Variants in ERBB4 observed in about 807,000 individuals in gnomAD.
ERBB4 encodes the protein erb-b2 receptor tyrosine kinase 4.
A neutral mutation model predicts 158.0 loss-of-function variants in ERBB4; 42 were observed. The observed-to-expected ratio is 0.27, with a 90% CI of 0.21 to 0.34. The LOEUF is 0.34. ERBB4 is among the 10% of genes least tolerant of loss of function. ERBB4 has a pLI of 1.00. For synonymous variants in ERBB4, 583 were observed against 558.7 expected (o/e 1.04, Z -0.61); for missense variants, 1,333 against 1,624.1 (o/e 0.82, Z 3.08).
chr2:211,421,941 T>C (rs1242494088), intron 24 of ERBB4, 66 bp downstream of exon 24: 1 of 933,872 alleles, frequency 1.1e-6, no homozygotes. Flanking sequence ...AAAGTCCTGA[T>C]ACTACTCATT....
chr2:211,677,974 A>C (rs939348965), intron 13 of ERBB4, among the ~76,000 whole-genome samples: 17 of 152,180 alleles, frequency 1.1e-4, no homozygotes, highest in Non-Finnish European at 2.5e-4. Flanking sequence ...CTAAAAATAC[A>C]TTATAACATT....
intron 3 of ERBB4, among the ~76,000 whole-genome samples, chr2:211,941,701 C>T (rs1263616118): frequency 7.1e-6 from 1 of 141,390 alleles, no homozygotes; most frequent in Non-Finnish European, 1.5e-5. Context: ...AGAAGACACA[C>T]TGAAATTTGG....
chr2:212,455,797 GAATAA>G (rs1688261088), intron 1 of ERBB4, among the ~76,000 whole-genome samples: 1 of 151,994 alleles, frequency 6.6e-6, no homozygotes, highest in African/African-American at 2.4e-5. Context: ...TATCCTGTAA[GAATAA>G]AATAAGTATG....
intron 1 of ERBB4, among the ~76,000 whole-genome samples, chr2:212,359,025 A>T (rs1009753768): frequency 6.6e-6 from 1 of 151,654 alleles, no homozygotes; most frequent in Non-Finnish European, 1.5e-5. Context: ...GATTATGAGA[A>T]CTCTTCTTCT....
At chr2:211,991,667 A>G (rs1414040303) in intron 2 of ERBB4, among the ~76,000 whole-genome samples, 1 of 152,180 alleles carries the variant, frequency 6.6e-6, no homozygotes, top group Non-Finnish European at 1.5e-5. Context: ...CACTTGGCCT[A>G]CCTAGGATAG....
intron 2 of ERBB4, among the ~76,000 whole-genome samples, chr2:212,102,239 T>C (rs906839086): frequency 5.3e-5 from 8 of 151,842 alleles, no homozygotes; most frequent in African/African-American, 1.7e-4. Flanking sequence ...GGTTTGCCTT[T>C]TAACAACTCA....
At chr2:212,269,004 A>G (rs1229713717) in intron 1 of ERBB4, among the ~76,000 whole-genome samples, 1 of 151,850 alleles carries the variant, frequency 6.6e-6, no homozygotes. Flanking sequence ...TAATAAAATG[A>G]TTTAAAATAC....
At chr2:212,179,969 CA>C (rs1388392937) in intron 1 of ERBB4, among the ~76,000 whole-genome samples, 1 of 151,550 alleles carries the variant, frequency 6.6e-6, no homozygotes, top group Non-Finnish European at 1.5e-5. Flanking sequence ...AAATCTCTGG[CA>C]TCTAGAAAAC....
intron 1 of ERBB4, among the ~76,000 whole-genome samples, chr2:212,246,028 G>A (rs1164243770): frequency 6.6e-6 from 1 of 152,124 alleles, no homozygotes; most frequent in East Asian, 1.9e-4. Flanking sequence ...AACCTCAGGA[G>A]AGTCTTTAAA....
chr2:212,222,953 G>T (rs2083345734), intron 1 of ERBB4, among the ~76,000 whole-genome samples: 1 of 151,414 alleles, frequency 6.6e-6, no homozygotes, highest in African/African-American at 2.4e-5. Context: ...TGTCTTTAAA[G>T]ATGCATATGC....
At chr2:212,130,812 G>C (rs1019389085) in intron 1 of ERBB4, among the ~76,000 whole-genome samples, 5 of 152,098 alleles carry the variant, frequency 3.3e-5, no homozygotes, top group Non-Finnish European at 5.9e-5. Flanking sequence ...AGTTTTACAA[G>C]GCACGTAGCA....
chr2:212,526,714 T>C (rs1333167602), intron 1 of ERBB4, among the ~76,000 whole-genome samples: 1 of 152,094 alleles, frequency 6.6e-6, no homozygotes, highest in African/African-American at 2.4e-5. Context: ...CTGAAATGCA[T>C]TGTTTCATTC....
In ERBB4 at chr2:211,891,913, C is replaced by T. The variant is rs1390593241; in HGVS notation, c.421+55517G>A. ...CAGGAGCTGAAATTGTGGCAATAAT[C>T]GATAGTTTACCAACCAAAAAGAGTC... On this transcript the variant is annotated intron_variant, in intron 3 of 27. Coordinates refer to ENST00000342788, the MANE Select transcript of ERBB4 (RefSeq NM_005235.3). Among the ~76,000 whole-genome samples, 8 of 135,802 alleles carry T rather than the reference C, an allele frequency of 5.9e-5. 2 individuals are homozygous for T. Among genetic ancestry groups the T allele is most frequent in the African/African-American group, 8.9e-5 (3 of 33,712 alleles). 89.1% of individuals were successfully genotyped at this position (135,802 alleles called of 152,430 possible). A position where few individuals can be genotyped will look rare whatever the true frequency, so the allele number is the denominator to read the frequency against.
chr2:212,384,214 A>C (rs1056303900), intron 1 of ERBB4, among the ~76,000 whole-genome samples: 4 of 151,702 alleles, frequency 2.6e-5, no homozygotes, highest in Non-Finnish European at 4.4e-5. Flanking sequence ...GTAGAAGTTT[A>C]TGAGAACAAT....
At chr2:211,401,502 G>A (rs1026907022) in intron 25 of ERBB4, among the ~76,000 whole-genome samples, 1 of 152,004 alleles carries the variant, frequency 6.6e-6, no homozygotes, top group African/African-American at 2.4e-5. Context: ...CGTGCTGAAT[G>A]TATGCTTCAA....
chr2:211,971,388 T>C (rs758059687), intron 2 of ERBB4, among the ~76,000 whole-genome samples: 8 of 152,002 alleles, frequency 5.3e-5, no homozygotes, highest in Non-Finnish European at 8.8e-5. Flanking sequence ...AGACCAATAA[T>C]GAGTTCTTAA....
At chr2:211,948,992 A>T (rs918490798) in intron 2 of ERBB4, among the ~76,000 whole-genome samples, 1 of 151,996 alleles carries the variant, frequency 6.6e-6, no homozygotes, top group Non-Finnish European at 1.5e-5. Flanking sequence ...AGCCTTCCTC[A>T]TCTCAGTTCA....
chr2:212,501,342 T>C (rs1281330574), intron 1 of ERBB4, among the ~76,000 whole-genome samples: 2 of 152,146 alleles, frequency 1.3e-5, no homozygotes, highest in East Asian at 1.9e-4. Context: ...GTGAAATGTA[T>C]AACAGAATTA....
At chr2:211,978,540 T>C (rs906589889) in intron 2 of ERBB4, among the ~76,000 whole-genome samples, 5 of 152,118 alleles carry the variant, frequency 3.3e-5, no homozygotes, top group South Asian at 2.1e-4. Context: ...CTCCCAACCT[T>C]AGTCTCCCAA....
Sources: allele counts gnomAD v4.1 joint callset (sites outside exome capture counted in the v4.1 genomes callset), GRCh38; gene constraint gnomAD v4.1.1; transcripts MANE v1.5; gene names NCBI Gene and HGNC (gene_info 2026-07-23, HGNC 2026-07-21).